Variants in CYP7B1 observed in about 807,000 individuals in gnomAD.
CYP7B1 encodes cytochrome P450 family 7 subfamily B member 1.
CYP7B1 carries 29 observed loss-of-function variants against 42.7 expected under a neutral mutation model. That is an observed-to-expected ratio of 0.68 (90% CI 0.51 to 0.93). The LOEUF is 0.93. Ranked by LOEUF, CYP7B1 falls within the 40% of genes least tolerant of loss-of-function variation. The pLI is 0.00. For synonymous variants in CYP7B1, 235 were observed against 218.2 expected, an observed-to-expected ratio of 1.08 and a Z score of -0.68; for missense variants, 655 against 600.5, an observed-to-expected ratio of 1.09 and a Z score of -0.95.
intron 1 of CYP7B1, among the ~76,000 whole-genome samples, chr8:64,697,847 A>G (rs1249978585): frequency 1.3e-5 from 2 of 152,214 alleles, no homozygotes; most frequent in Non-Finnish European, 2.9e-5. Flanking sequence ...TTCAGAGTCA[A>G]TACAAACCAA....
intron 1 of CYP7B1, among the ~76,000 whole-genome samples, chr8:64,705,364 T>G (rs1416671880): frequency 6.6e-6 from 1 of 152,092 alleles, no homozygotes; most frequent in African/African-American, 2.4e-5. Context: ...TCAGTCATTA[T>G]TCTCATTGTC....
intron 1 of CYP7B1, among the ~76,000 whole-genome samples, chr8:64,656,708 G>C (rs767579274): frequency 6.6e-6 from 1 of 152,156 alleles, no homozygotes; most frequent in Non-Finnish European, 1.5e-5. Flanking sequence ...ACCTGAAAAA[G>C]AAGCCCAATT....
At chr8:64,718,261 C>G (rs1034227396) in intron 1 of CYP7B1, among the ~76,000 whole-genome samples, 5 of 152,078 alleles carry the variant, frequency 3.3e-5, no homozygotes, top group Non-Finnish European at 7.4e-5. Context: ...ACAACACATT[C>G]CAGGGTCACT....
intron 1 of CYP7B1, among the ~76,000 whole-genome samples, chr8:64,646,635 T>C (rs1440460418): frequency 6.6e-6 from 1 of 152,190 alleles, no homozygotes; most frequent in Non-Finnish European, 1.5e-5. Flanking sequence ...TACATGGAAA[T>C]TCTGTTGTTT....
chr8:64,713,958 C>T (rs1807117988), intron 1 of CYP7B1, among the ~76,000 whole-genome samples: 1 of 152,174 alleles, frequency 6.6e-6, no homozygotes, highest in South Asian at 2.1e-4. Context: ...GCTTTAAATG[C>T]TTTGCAGGTA....
intron 1 of CYP7B1, among the ~76,000 whole-genome samples, chr8:64,793,108 G>A (rs961072464): frequency 3.9e-5 from 6 of 152,076 alleles, no homozygotes; most frequent in African/African-American, 1.2e-4. Flanking sequence ...TCTCCTAGAC[G>A]GTCCAGAAGG....
intron 1 of CYP7B1, among the ~76,000 whole-genome samples, chr8:64,739,702 T>A (rs138276196): frequency 6.6e-6 from 1 of 152,146 alleles, no homozygotes; most frequent in Non-Finnish European, 1.5e-5. Flanking sequence ...TGAAATAACA[T>A]ACACAGAAAA....
At chr8:64,671,714 A>C (rs1806370255) in intron 1 of CYP7B1, among the ~76,000 whole-genome samples, 1 of 152,118 alleles carries the variant, frequency 6.6e-6, no homozygotes, top group South Asian at 2.1e-4. Flanking sequence ...ATACATATAC[A>C]ATACAATAAA....
At chr8:64,749,954 C>G (rs1381107880) in intron 1 of CYP7B1, among the ~76,000 whole-genome samples, 2 of 152,072 alleles carry the variant, frequency 1.3e-5, no homozygotes, top group African/African-American at 4.8e-5. Flanking sequence ...ATTGTGTTTA[C>G]CTGAAACCTA....
At chr8:64,695,369 G>A (rs1399019217) in intron 1 of CYP7B1, among the ~76,000 whole-genome samples, 4 of 152,272 alleles carry the variant, frequency 2.6e-5, no homozygotes, top group East Asian at 3.9e-4. Flanking sequence ...CTGCACAGCT[G>A]CTGCCTACAT....
intron 1 of CYP7B1, among the ~76,000 whole-genome samples, chr8:64,630,441 T>C (rs1805672289): frequency 6.6e-6 from 1 of 152,252 alleles, no homozygotes; most frequent in Non-Finnish European, 1.5e-5. Flanking sequence ...TCATTCAGAC[T>C]GAGATAAGAG....
chr8:64,649,773 C>A (rs1262044343), intron 1 of CYP7B1, among the ~76,000 whole-genome samples: 8 of 152,174 alleles, frequency 5.3e-5, no homozygotes, highest in Admixed American at 5.2e-4. Flanking sequence ...GAGGCAATAT[C>A]CATTTGTGGT....
chr8:64,597,972 G>C (rs1805143614), intron 5 of CYP7B1, among the ~76,000 whole-genome samples: 1 of 152,216 alleles, frequency 6.6e-6, no homozygotes, highest in South Asian at 2.1e-4. Context: ...TATGTGGATA[G>C]ATTCTGAATT....
intron 1 of CYP7B1, among the ~76,000 whole-genome samples, chr8:64,726,364 A>C (rs1298496249): frequency 6.6e-6 from 1 of 152,240 alleles, no homozygotes; most frequent in African/African-American, 2.4e-5. Flanking sequence ...AATTCAATTT[A>C]ATAGAAATCA....
intron 1 of CYP7B1, among the ~76,000 whole-genome samples, chr8:64,674,810 C>A (rs974094761): frequency 6.6e-6 from 1 of 151,968 alleles, no homozygotes; most frequent in Non-Finnish European, 1.5e-5. Context: ...GAGAATGGAG[C>A]GTTTCAGATG....
chr8:64,657,802 T>G (rs991190998), intron 1 of CYP7B1, among the ~76,000 whole-genome samples: 1 of 152,190 alleles, frequency 6.6e-6, no homozygotes, highest in Admixed American at 6.5e-5. Flanking sequence ...CTTTGCACAG[T>G]AGTAGAGGAT....
At chr8:64,624,589 T>C in intron 1 of CYP7B1, 50 bp from the exon 2 acceptor site, 1 of 1,604,012 alleles carries the variant, frequency 6.2e-7, no homozygotes, top group Non-Finnish European at 8.5e-7. Flanking sequence ...ATCAAATCAT[T>C]CTTATTCGAA....
chr8:64,680,586 G>A (rs1806522000), intron 1 of CYP7B1, among the ~76,000 whole-genome samples: 1 of 151,882 alleles, frequency 6.6e-6, no homozygotes, highest in East Asian at 1.9e-4. Flanking sequence ...ACCACTGCAT[G>A]GGCCCTTCGA....
intron 1 of CYP7B1, among the ~76,000 whole-genome samples, chr8:64,714,717 T>C (rs755527393): frequency 2.6e-5 from 4 of 152,170 alleles, no homozygotes; most frequent in Non-Finnish European, 5.9e-5. Flanking sequence ...TCATGTAACG[T>C]ATGAAAACTG....
Sources: allele counts gnomAD v4.1 joint callset (sites outside exome capture counted in the v4.1 genomes callset), GRCh38; gene constraint gnomAD v4.1.1; transcripts MANE v1.5; gene names NCBI Gene and HGNC (gene_info 2026-07-23, HGNC 2026-07-21).